KIF21A: variants seen among roughly 807,000 people sequenced by gnomAD.
KIF21A encodes the protein kinesin-like protein KIF21A.
In KIF21A, 114 loss-of-function variants were observed where a neutral mutation model predicts 202.9. The ratio of observed to expected loss-of-function variants is 0.56; its 90% CI spans 0.48 to 0.66. The LOEUF is 0.66. Ranked by LOEUF, KIF21A falls within the 30% of genes least tolerant of loss-of-function variation. The pLI is 0.00. For missense variants in KIF21A, 1,677 were observed against 1,994.9 expected (o/e 0.84, Z 3.04); for synonymous variants, 667 against 670.8 (o/e 0.99, Z 0.09).
intron 1 of KIF21A, among the ~76,000 whole-genome samples, chr12:39,376,490 G>T (rs142722363): frequency 3.2e-4 from 49 of 152,216 alleles, no homozygotes; most frequent in Non-Finnish European, 6.8e-4. Context: ...TCTGTTTAAA[G>T]CTGGGGATTA....
At chr12:39,360,217 A>T (rs933103268) in intron 7 of KIF21A, among the ~76,000 whole-genome samples, 1 of 152,136 alleles carries the variant, frequency 6.6e-6, no homozygotes, top group Non-Finnish European at 1.5e-5. Context: ...GCTAAAAAAA[A>T]GCTATTTATT....
At chr12:39,428,956 C>CAA (rs931501673) in intron 1 of KIF21A, among the ~76,000 whole-genome samples, 10 of 65,642 alleles carry the variant, frequency 1.5e-4, no homozygotes, top group Admixed American at 5.3e-4. Context: ...GACTCCGTCT[C>CAA]AAAAAAAAAA....
At chr12:39,294,862 G>A (rs1591983310) in intron 37 of KIF21A, among the ~76,000 whole-genome samples, 1 of 152,290 alleles carries the variant, frequency 6.6e-6, no homozygotes, top group East Asian at 1.9e-4. Context: ...CAGCTGAGAT[G>A]TGAATCCAGG....
chr12:39,296,437 T>C (rs912319709), intron 37 of KIF21A, among the ~76,000 whole-genome samples: 1 of 152,146 alleles, frequency 6.6e-6, no homozygotes, highest in Non-Finnish European at 1.5e-5. Context: ...TTGTAGATCA[T>C]ATACTTTAGC....
At chr12:39,415,499 C>T (rs532493546) in intron 1 of KIF21A, among the ~76,000 whole-genome samples, 13 of 152,090 alleles carry the variant, frequency 8.5e-5, no homozygotes, top group Non-Finnish European at 1.9e-4. Flanking sequence ...CTCGGCCTCC[C>T]AGCAGCCTCG....
chr12:39,318,904 C>A (rs1471269282), intron 28 of KIF21A, among the ~76,000 whole-genome samples: 1 of 152,016 alleles, frequency 6.6e-6, no homozygotes, highest in Non-Finnish European at 1.5e-5. Flanking sequence ...TGGTGTGAAC[C>A]CGGGAGGCGG....
chr12:39,382,069 T>C (rs537029195), intron 1 of KIF21A, among the ~76,000 whole-genome samples: 270 of 152,314 alleles, frequency 1.8e-3, no homozygotes, highest in African/African-American at 5.7e-3. Context: ...TCTTTTAAAA[T>C]TATGTATTTG....
chr12:39,374,265 G>A (rs1950133690), intron 1 of KIF21A, among the ~76,000 whole-genome samples: 1 of 152,056 alleles, frequency 6.6e-6, no homozygotes, highest in Non-Finnish European at 1.5e-5. Context: ...ATATCCTTCT[G>A]TAAAAGAGAA....
chr12:39,315,248 T>G lies in KIF21A; in HGVS notation c.3948-8A>C. The G allele has an allele frequency of 6.2e-7, 1 of 1,611,540 alleles. No individual in the cohort carries two copies. The highest frequency in any genetic ancestry group is 2.2e-5 in the East Asian group (1 of 44,748). ...GCCTACCTTCTGGAGGATCTGCTGA[T>G]GATCAGCAAAAATGGCCATAAAACA... On this transcript the variant is annotated splice_region_variant and splice_polypyrimidine_tract_variant and intron_variant, in intron 30 of 37. Transcript: ENST00000361418.
In KIF21A at chr12:39,305,336, G is replaced by A. The variant is rs113611275; in HGVS notation, c.4443-398C>T. Among the ~76,000 whole-genome samples the A allele has an allele frequency of 2.1e-3, 306 of 147,632 alleles. 3 individuals are homozygous for A. The highest frequency in any genetic ancestry group is 7.0e-3 in the African/African-American group (274 of 39,370). ...AGCCGAGATTGAGCCACTGCACTCC[G>A]GCCTGGGCAACAGAGCGAGAATCCG... On this transcript the variant is annotated intron_variant, in intron 34 of 37. Coordinates refer to ENST00000361418, the MANE Select transcript of KIF21A (RefSeq NM_001173464.2).
At chr12:39,381,679 A>G (rs1950625624) in intron 1 of KIF21A, among the ~76,000 whole-genome samples, 1 of 152,202 alleles carries the variant, frequency 6.6e-6, no homozygotes, top group Non-Finnish European at 1.5e-5. Context: ...TTATTTTTGT[A>G]AGGAAAATGT....
At chr12:39,320,876 A>G (rs1305266151) in intron 27 of KIF21A, among the ~76,000 whole-genome samples, 1 of 139,718 alleles carries the variant, frequency 7.2e-6, no homozygotes, top group African/African-American at 2.7e-5. Context: ...CAGAGACTGC[A>G]GTGAGCCAAG....
rs1944769629 is a variant in KIF21A, at chr12:39,318,086, C to T, written c.3895G>A (p.Val1299Ile). Reference sequence around the variant, plus strand: ...ATAATGACTTACTTATCCTGCTGAACTGATGTGTTTCCCTGAGAAACAGTA... The same window carrying T: ...ATAATGACTTACTTATCCTGCTGAATTGATGTGTTTCCCTGAGAAACAGTA... ...RLTVSQGNTS[V>I]QQDKSDESDS... Residue 1299 changes from valine (V) to isoleucine (I), a missense_variant, in exon 29 of 38, where the codon GTT becomes ATT. This residue lies in a region of KIF21A where 705 missense variants were observed against 791.9 expected (regional missense o/e 0.89). Transcript: ENST00000361418. 2.5e-6 allele frequency: 4 copies of T among 1,612,736 alleles called. No individual in the cohort carries two copies. The highest frequency in any genetic ancestry group is 2.7e-5 in the African/African-American group (2 of 74,846).
At chr12:39,427,423 C>T (rs1461792409) in intron 1 of KIF21A, among the ~76,000 whole-genome samples, 13 of 152,112 alleles carry the variant, frequency 8.5e-5, no homozygotes, top group Non-Finnish European at 1.5e-4. Context: ...GGACCTGACT[C>T]ATAGAGAGGG....
At chr12:39,382,140 TC>T (rs1369820490) in intron 1 of KIF21A, among the ~76,000 whole-genome samples, 1 of 152,212 alleles carries the variant, frequency 6.6e-6, no homozygotes, top group Non-Finnish European at 1.5e-5. Flanking sequence ...AAATTACCTT[TC>T]TTTGATTTTC....
At chr12:39,358,476 G>A (rs1948963128) in intron 7 of KIF21A, 103 bp from the exon 8 acceptor site, 1 of 1,057,356 alleles carries the variant, frequency 9.5e-7, no homozygotes, top group South Asian at 1.3e-5. Context: ...TTCTCTTCAA[G>A]ATACCAAAAT....
intron 7 of KIF21A, 133 bp from the exon 8 acceptor site, chr12:39,358,506 C>T (rs1422514865): frequency 1.3e-6 from 1 of 787,690 alleles, no homozygotes; most frequent in Non-Finnish European, 2.1e-6. Flanking sequence ...ATTTAAAAGC[C>T]CCTGTACTTG....
intron 1 of KIF21A, among the ~76,000 whole-genome samples, chr12:39,436,422 T>TTTTTTATATATATATATATATA (rs1424497663): frequency 1.0e-5 from 1 of 99,116 alleles, no homozygotes; most frequent in Non-Finnish European, 1.9e-5. Flanking sequence ...GTTTACTATA[T>TTTTTTATATATATATATATATA]TATATATATA....
intron 26 of KIF21A, among the ~76,000 whole-genome samples, chr12:39,324,863 G>A (rs1945690670): frequency 6.6e-6 from 1 of 152,066 alleles, no homozygotes; most frequent in African/African-American, 2.4e-5. Context: ...ATTATTTCAG[G>A]TCCTGATTCA....
Sources: allele counts gnomAD v4.1 joint callset (sites outside exome capture counted in the v4.1 genomes callset), GRCh38; gene constraint gnomAD v4.1.1; regional missense constraint gnomAD v4.1.1; transcripts MANE v1.5; gene names NCBI Gene and HGNC (gene_info 2026-07-23, HGNC 2026-07-21).